The following CSAD variants were observed in gnomAD, a reference collection of about 807,000 sequenced individuals.
CSAD encodes P-selectin cytoplasmic tail-associated protein.
A neutral mutation model predicts 61.5 loss-of-function variants in CSAD; 47 were observed. The ratio of observed to expected loss-of-function variants is 0.76; its 90% CI spans 0.60 to 0.97. CSAD has a LOEUF of 0.97. CSAD is among the 50% of genes least tolerant of loss of function. CSAD has a pLI of 0.00. For missense variants in CSAD, 611 were observed against 643.6 expected (o/e 0.95, Z 0.55); for synonymous variants, 245 against 252.7 (o/e 0.97, Z 0.29).
In CSAD at chr12:53,172,365, C is replaced by T; in HGVS notation, c.325G>A (p.Glu109Lys). 2 of 1,614,036 alleles carry T rather than the reference C, an allele frequency of 1.2e-6. No individual in the cohort carries two copies. The highest frequency in any genetic ancestry group is 1.1e-5 in the South Asian group (1 of 91,074). Residue 109 changes from glutamate to lysine, a missense_variant, in exon 6 of 17, where the codon GAG (glutamate) becomes AAG (lysine). Transcript: ENST00000444623. ...GCTCACTGGCTGGTGTTGAGGCTCT[C>T]AGTGATAATGCGCCCGGCCAGAGCA... ...PHALAGRIIT[E>K]SLNTSQYTYE...
chr12:53,172,246 T>G (rs1940673658), intron 6 of CSAD, 100 bp downstream of exon 6: 3 of 1,106,932 alleles, frequency 2.7e-6, no homozygotes, highest in Non-Finnish European at 4.2e-6. Context: ...CCAGAAGCAG[T>G]AGAGAGAGGG....
intron 10 of CSAD, 150 bp downstream of exon 10, chr12:53,169,922 T>G: frequency 1.4e-6 from 1 of 690,612 alleles, no homozygotes; most frequent in Non-Finnish European, 2.5e-6. Context: ...TGTAGTGTCC[T>G]CACCCCCAGG....
chr12:53,173,210 A>G, intron 4 of CSAD, 135 bp downstream of exon 4: 2 of 849,594 alleles, frequency 2.4e-6, no homozygotes, highest in Non-Finnish European at 3.6e-6. Flanking sequence ...TCTGTCAAGA[A>G]AGAAAGGAAG....
intron 10 of CSAD, among the ~76,000 whole-genome samples, chr12:53,163,436 T>C (rs1272773839): frequency 6.6e-6 from 1 of 152,032 alleles, no homozygotes; most frequent in African/African-American, 2.4e-5. Context: ...ATGAATTCCA[T>C]CAAACATTTA....
At chr12:53,179,682 A>AAG in intron 1 of CSAD, 1 of 1,124,430 alleles carries the variant, frequency 8.9e-7, no homozygotes, top group Non-Finnish European at 1.3e-6. Context: ...AAAAAAAAAA[A>AAG]GTTGAGAATC....
In CSAD at chr12:53,172,145, G is replaced by A. The variant is rs1310306010; in HGVS notation, c.345-157C>T. ...GTTGGTGACAGAACCAGGGAAGCAAGAAAGAGAAAACAGGGGTCAGGAGGC... is the reference window on the plus strand; with the variant it reads ...GTTGGTGACAGAACCAGGGAAGCAAAAAAGAGAAAACAGGGGTCAGGAGGC... On this transcript the variant is annotated intron_variant, in intron 6 of 16. Transcript: ENST00000444623. Among the ~76,000 whole-genome samples, 4 of 152,300 alleles carry A rather than the reference G, an allele frequency of 2.6e-5. No homozygotes were observed. The Middle Eastern group carries it at 0.014, about 518-fold the overall frequency.
chr12:53,165,662 CAA>C (rs540475159), intron 10 of CSAD, among the ~76,000 whole-genome samples: 5 of 46,936 alleles, frequency 1.1e-4, no homozygotes, highest in Non-Finnish European at 1.3e-4. Context: ...GACTCCATCT[CAA>C]AAAAAAAAAA....
upstream of CSAD, chr12:53,181,102 A>C (rs1245823217): frequency 2.7e-5 from 25 of 938,782 alleles, no homozygotes; most frequent in Non-Finnish European, 2.8e-5. Flanking sequence ...GCTTCTCGGC[A>C]CTCTCCGGCT....
intron 8 of CSAD, 172 bp downstream of exon 8, chr12:53,171,154 G>A: frequency 3.2e-6 from 3 of 943,066 alleles, no homozygotes; most frequent in Non-Finnish European, 4.9e-6. Flanking sequence ...AGAAGGCAAT[G>A]TGAACAGGAG....
At chr12:53,159,523 G>A (rs1222662856) in intron 16 of CSAD, 100 bp downstream of exon 16, 3 of 952,120 alleles carry the variant, frequency 3.2e-6, no homozygotes, top group Non-Finnish European at 4.9e-6. Context: ...CAAGAGACCA[G>A]CAAGGAGACC....
At position 53,172,382 on chromosome 12, in the gene CSAD, G is replaced by A; in HGVS notation, c.308C>T (p.Ala103Val). 1 of 1,614,106 alleles carries A rather than the reference G, an allele frequency of 6.2e-7. No homozygotes were observed. The highest frequency in any genetic ancestry group is 8.5e-7 in the Non-Finnish European group (1 of 1,180,016). Reference sequence around the variant, plus strand: ...GAGGCTCTCAGTGATAATGCGCCCGGCCAGAGCATGGGGATCCAACCCAGA... The same window carrying A: ...GAGGCTCTCAGTGATAATGCGCCCGACCAGAGCATGGGGATCCAACCCAGA... ...LFSGLDPHALAGRIITESLNT... is the reference protein window; with the variant it reads ...LFSGLDPHALVGRIITESLNT... Residue 103 changes from alanine (A) to valine (V), a missense_variant, in exon 6 of 17, where the codon GCC becomes GTC. Coordinates refer to ENST00000444623, the MANE Select transcript of CSAD (RefSeq NM_001244705.2).
At chr12:53,171,663 C>CGTCCG (rs1192125770) in intron 7 of CSAD, 7 of 620,756 alleles carry the variant, frequency 1.1e-5, no homozygotes, top group African/African-American at 9.2e-5. Flanking sequence ...AGACAGCCCC[C>CGTCCG]GTCCGGAGAT....
chr12:53,177,279 C>G (rs1435795814), intron 2 of CSAD, among the ~76,000 whole-genome samples: 1 of 152,144 alleles, frequency 6.6e-6, no homozygotes, highest in Non-Finnish European at 1.5e-5. Flanking sequence ...ACATCCCTGG[C>G]TTGTTCCTAG....
Position 53,172,591 on chromosome 12 carries a change from T to A in CSAD, c.184A>T (p.Ser62Cys). 1 of 1,612,072 alleles carries A rather than the reference T, an allele frequency of 6.2e-7. No individual in the cohort carries two copies. The highest frequency in any genetic ancestry group is 8.5e-7 in the Non-Finnish European group (1 of 1,179,334). The change falls in exon 5 of 17, where the codon AGC becomes TGC. Residue 62 changes from serine to cysteine, a missense_variant. By Grantham distance (112) the Ser-to-Cys change is moderately radical. Coordinates refer to ENST00000444623, the MANE Select transcript of CSAD (RefSeq NM_001244705.2). ...ATCTGCTTCTGTGACTCGCCCTGGCTCCGCAGCTCCAAATCCAGCAGCTGC... is the reference window on the plus strand; with the variant it reads ...ATCTGCTTCTGTGACTCGCCCTGGCACCGCAGCTCCAAATCCAGCAGCTGC... Reference protein sequence around the residue: ...LKQLLDLELRSQGESQKQILE... With the variant: ...LKQLLDLELRCQGESQKQILE...
chr12:53,162,158 G>T (rs1232075861), intron 10 of CSAD, among the ~76,000 whole-genome samples: 4 of 152,132 alleles, frequency 2.6e-5, no homozygotes, highest in African/African-American at 4.8e-5. Context: ...CTACTTGGGA[G>T]GCGGAAGCCG....
rs988713206 is a variant in CSAD, at chr12:53,180,712, G to A, written c.-91+20C>T. 484 of 1,268,956 alleles carry A rather than the reference G, an allele frequency of 3.8e-4. 1 individual carries two copies. Among genetic ancestry groups the A allele is most frequent in the Non-Finnish European group, 4.7e-4 (458 of 979,052 alleles). 78.6% of individuals were successfully genotyped at this position (1,268,956 alleles called of 1,614,324 possible). ...AGTGCTTCCGGGGAAACGGGCCGGG[G>A]TTGGTGTTTGTAAACTTGCCTCGGT... On this transcript the variant is annotated intron_variant, in intron 1 of 16. Coordinates refer to ENST00000444623, the MANE Select transcript of CSAD (RefSeq NM_001244705.2).
chr12:53,173,320 G>A, intron 4 of CSAD, 25 bp downstream of exon 4: 1 of 1,598,012 alleles, frequency 6.3e-7, no homozygotes, highest in Non-Finnish European at 8.6e-7. Flanking sequence ...AGCTTGATGG[G>A]AAGGAGGAGG....
chr12:53,170,341 G>C, intron 9 of CSAD, 82 bp downstream of exon 9: 3 of 1,288,374 alleles, frequency 2.3e-6, no homozygotes, highest in Non-Finnish European at 3.4e-6. Context: ...AGCGGTAAGG[G>C]TCTGATGCCA....
chr12:53,159,779 C>G (rs1052094249), intron 15 of CSAD, 67 bp from the exon 16 acceptor site: 2 of 1,525,832 alleles, frequency 1.3e-6, no homozygotes, highest in African/African-American at 2.7e-5. Context: ...CTCCCTGCCC[C>G]TTTCCCCTCT....
Sources: gnomAD v4.1 joint callset for allele counts (sites outside exome capture counted in the v4.1 genomes callset) on GRCh38, gnomAD v4.1.1 for gene constraint, MANE v1.5 for transcripts, NCBI Gene and HGNC (gene_info 2026-07-23, HGNC 2026-07-21) for gene names.